DAB2IP: variants seen among roughly 807,000 people sequenced by gnomAD.
The protein encoded by DAB2IP is disabled homolog 2-interacting protein.
A neutral mutation model predicts 107.2 loss-of-function variants in DAB2IP; 28 were observed. The observed-to-expected ratio is 0.26, with a 90% CI of 0.19 to 0.36. DAB2IP has a LOEUF of 0.36. DAB2IP is among the 10% of genes least tolerant of loss of function. The probability of loss-of-function intolerance (pLI) is 1.00; values close to 1 mark genes in which losing one functional copy is unlikely to be tolerated. For missense variants in DAB2IP, 1,400 were observed against 1,644.7 expected (o/e 0.85, Z 2.57); for synonymous variants, 755 against 706.4 (o/e 1.07, Z -1.09).
At chr9:121,768,519 C>T (rs765813765) in exon 10 of DAB2IP, 1 of 1,614,230 alleles carries the variant, frequency 6.2e-7, no homozygotes, top group Admixed American at 1.7e-5. Context: ...TGCTGGAGAT[C>T]TCCAACCCCG....
intron 1 of DAB2IP, among the ~76,000 whole-genome samples, chr9:121,595,958 G>A (rs780623941): frequency 2.6e-5 from 4 of 151,994 alleles, no homozygotes; most frequent in African/African-American, 2.4e-5. Context: ...AGGCTGGGGC[G>A]GGAGGATCGC....
chr9:121,688,030 C>A (rs1828974253), intron 2 of DAB2IP, among the ~76,000 whole-genome samples: 2 of 152,042 alleles, frequency 1.3e-5, no homozygotes, highest in African/African-American at 4.8e-5. Flanking sequence ...TTTGAGCAGG[C>A]CTGGCCCTAG....
chr9:121,673,224 C>T (rs754380800), intron 1 of DAB2IP, among the ~76,000 whole-genome samples: 4 of 152,194 alleles, frequency 2.6e-5, no homozygotes, highest in Non-Finnish European at 4.4e-5. Flanking sequence ...CTTGGCTCCT[C>T]ACCCAACCCC....
intron 3 of DAB2IP, among the ~76,000 whole-genome samples, chr9:121,724,233 T>A (rs1438533885): frequency 6.6e-6 from 1 of 152,144 alleles, no homozygotes; most frequent in Non-Finnish European, 1.5e-5. Flanking sequence ...GGTTCCTTCC[T>A]GTGGACCCTG....
chr9:121,645,705 C>T (rs1832513192), intron 1 of DAB2IP, among the ~76,000 whole-genome samples: 1 of 152,212 alleles, frequency 6.6e-6, no homozygotes, highest in African/African-American at 2.4e-5. Context: ...GGGTAAGCAG[C>T]TGATTTTGAG....
intron 1 of DAB2IP, among the ~76,000 whole-genome samples, chr9:121,631,767 G>A (rs1831891905): frequency 7.2e-6 from 1 of 138,798 alleles, no homozygotes; most frequent in Admixed American, 7.6e-5. Context: ...AGTGAGCTGA[G>A]ATTGTGCCAC....
intron 1 of DAB2IP, among the ~76,000 whole-genome samples, chr9:121,608,805 C>A (rs1303400911): frequency 6.6e-6 from 1 of 152,234 alleles, no homozygotes; most frequent in Admixed American, 6.5e-5. Flanking sequence ...CCATCCTGAC[C>A]TCTCCTTATG....
At position 121,652,021 on chromosome 9, in the gene DAB2IP, C is replaced by T. The variant is rs536564773; in HGVS notation, c.124+122C>T. 5.5e-6 allele frequency: 5 copies of T among 912,490 alleles called. No individual in the cohort carries two copies. The South Asian group carries it at 1.9e-4, about 34-fold the overall frequency. The allele number at this position is 912,490 out of a possible 1,614,324, so 56.5% of individuals were successfully genotyped here. ...CATTTGCCGGGGGTTTCCTCATCCG[C>T]CCCTTCCTGAGTCTGCCGGACCCCC... is the stretch of plus-strand genomic sequence containing the variant. On this transcript the variant is annotated intron_variant, in intron 1 of 15. Transcript: ENST00000408936.
rs536330575 is a variant in DAB2IP at position 121,760,388 on chromosome 9, G to A, written c.1119G>A (p.Glu373=). 10 of 1,610,018 alleles carry A rather than the reference G, an allele frequency of 6.2e-6. No individual in the cohort carries two copies. The South Asian group carries it at 8.8e-5, about 14-fold the overall frequency. Residue 373 remains glutamate (E), a synonymous_variant, in exon 6 of 16, where the codon GAG becomes GAA. Transcript: ENST00000408936. This position sits in a 1 kb window ranked among gnomAD's most constrained non-coding sequence, Gnocchi z 5.9. The stretch of plus-strand genomic sequence containing the variant: ...CCATCCTCAGTGCCAAGACCAAGGA[G>A]GAGATGGCATCTGCCCTGGTGCACA...
chr9:121,593,044 C>G (rs1324224170), intron 1 of DAB2IP, among the ~76,000 whole-genome samples: 1 of 152,164 alleles, frequency 6.6e-6, no homozygotes, highest in Non-Finnish European at 1.5e-5. Flanking sequence ...CCTGGGCCAG[C>G]CTCCCTGGGT....
Position 121,661,519 on chromosome 9 carries a change from G to A in DAB2IP, c.124+9620G>A, listed in dbSNP as rs77394741. Reference sequence around the variant, plus strand: ...CCCCCTCCCCCACTTTGGCAATGCTGTCTGCAGAGGGAAGGGCCGGTTTTA... The same window carrying A: ...CCCCCTCCCCCACTTTGGCAATGCTATCTGCAGAGGGAAGGGCCGGTTTTA... On this transcript the variant is annotated intron_variant, in intron 1 of 15. Coordinates refer to ENST00000408936, the Ensembl canonical transcript of DAB2IP. 7.6e-3 allele frequency among the ~76,000 whole-genome samples: 1,164 copies of A among 152,200 alleles called. 22 individuals carry two copies. The highest frequency in any genetic ancestry group is 0.027 in the African/African-American group (1,101 of 41,524).
At chr9:121,697,270 G>C (rs1320066616) in intron 2 of DAB2IP, among the ~76,000 whole-genome samples, 1 of 152,188 alleles carries the variant, frequency 6.6e-6, no homozygotes, top group Non-Finnish European at 1.5e-5. Context: ...TGTGAAACAT[G>C]CTTCTTTGTT....
intron 1 of DAB2IP, among the ~76,000 whole-genome samples, chr9:121,626,038 CGTG>C (rs1831634190): frequency 6.6e-6 from 1 of 152,062 alleles, no homozygotes; most frequent in South Asian, 2.1e-4. Context: ...CTGGGGCACA[CGTG>C]GGGTATGGGC....
intron 1 of DAB2IP, among the ~76,000 whole-genome samples, chr9:121,618,593 T>A (rs1040905040): frequency 1.3e-5 from 2 of 152,180 alleles, no homozygotes; most frequent in Non-Finnish European, 2.9e-5. Context: ...ACTCCTGACC[T>A]CAGGTGAGCC....
intron 1 of DAB2IP, among the ~76,000 whole-genome samples, chr9:121,578,384 A>C: frequency 6.8e-6 from 1 of 146,476 alleles, no homozygotes; most frequent in Admixed American, 6.8e-5. Flanking sequence ...CCCCCTAGTG[A>C]CTCCTGCAAA....
chr9:121,680,743 CT>C (rs78934765), intron 2 of DAB2IP, among the ~76,000 whole-genome samples: 253 of 143,874 alleles, frequency 1.8e-3, no homozygotes, highest in African/African-American at 4.6e-3. Flanking sequence ...TTTTTTTTTT[CT>C]TTTTTTTTTT....
At chr9:121,577,436 G>T (rs897276464) in intron 1 of DAB2IP, among the ~76,000 whole-genome samples, 7 of 152,244 alleles carry the variant, frequency 4.6e-5, no homozygotes, top group African/African-American at 1.7e-4. Flanking sequence ...AGGCGTGCGT[G>T]AGTGCAGGAG....
intron 1 of DAB2IP, among the ~76,000 whole-genome samples, chr9:121,655,663 GT>G (rs1832941351): frequency 6.6e-6 from 1 of 152,186 alleles, no homozygotes; most frequent in African/African-American, 2.4e-5. Context: ...TAGGGCCTCA[GT>G]TTCCCCATCT....
intron 1 of DAB2IP, among the ~76,000 whole-genome samples, chr9:121,622,284 G>A (rs1046188072): frequency 6.6e-6 from 1 of 152,152 alleles, no homozygotes; most frequent in South Asian, 2.1e-4. Context: ...CACCGCACCC[G>A]GCCCCGTTTG....
Sources: gnomAD v4.1 joint callset for allele counts (sites outside exome capture counted in the v4.1 genomes callset) on GRCh38, gnomAD v4.1.1 for gene constraint, Gnocchi (gnomAD v3.1) non-coding constraint, MANE v1.5 for transcripts, NCBI Gene and HGNC (gene_info 2026-07-23, HGNC 2026-07-21) for gene names.